Variants in LINGO2 observed in about 807,000 individuals in gnomAD.
LINGO2 encodes the protein leucine-rich repeat and immunoglobulin-like domain-containing nogo receptor-interacting protein 2.
LINGO2 carries 14 observed loss-of-function variants against 30.6 expected under a neutral mutation model. The ratio of observed to expected loss-of-function variants is 0.46; its 90% confidence interval spans 0.30 to 0.72. LINGO2 has a LOEUF of 0.72. Ranked by LOEUF, LINGO2 falls within the 30% of genes least tolerant of loss-of-function variation. The pLI is 0.07. For synonymous variants in LINGO2, 317 were observed against 288.5 expected (o/e 1.10, Z -1.00); for missense variants, 729 against 751.7 (o/e 0.97, Z 0.35).
intron 1 of LINGO2, among the ~76,000 whole-genome samples, chr9:28,587,908 GA>G (rs1270586302): frequency 6.6e-6 from 1 of 151,908 alleles, no homozygotes; most frequent in Non-Finnish European, 1.5e-5. Flanking sequence ...TTGCATTTTT[GA>G]AAATGTTGAA....
At chr9:28,053,907 G>A (rs556297244) in intron 4 of LINGO2, among the ~76,000 whole-genome samples, 3 of 152,128 alleles carry the variant, frequency 2.0e-5, no homozygotes, top group East Asian at 1.9e-4. Flanking sequence ...CCAAAGAATA[G>A]ATACTCAAAT....
At chr9:28,338,093 T>G (rs549275083) in intron 3 of LINGO2, among the ~76,000 whole-genome samples, 1 of 152,132 alleles carries the variant, frequency 6.6e-6, no homozygotes, top group East Asian at 1.9e-4. Flanking sequence ...GAAGGGGAGA[T>G]GTACCTGGCA....
the LINGO2 span, among the ~76,000 whole-genome samples, chr9:29,014,432 A>T: frequency 2.6e-5 from 4 of 152,162 alleles, no homozygotes; most frequent in African/African-American, 7.2e-5. Flanking sequence ...AATAATAAAC[A>T]TTGTGATACC....
chr9:28,883,289 G>T, the LINGO2 span, among the ~76,000 whole-genome samples: 1 of 151,904 alleles, frequency 6.6e-6, no homozygotes, highest in Non-Finnish European at 1.5e-5. Flanking sequence ...CTGCCTCCCG[G>T]GTTCAAGTGA....
intron 2 of LINGO2, among the ~76,000 whole-genome samples, chr9:28,447,422 C>A (rs117462719): frequency 6.6e-6 from 1 of 152,166 alleles, no homozygotes; most frequent in Non-Finnish European, 1.5e-5. Context: ...CATCACCAGA[C>A]ATGGAATTTA....
At chr9:28,489,522 G>A (rs114373138) in intron 1 of LINGO2, among the ~76,000 whole-genome samples, 2 of 151,998 alleles carry the variant, frequency 1.3e-5, no homozygotes, top group Non-Finnish European at 2.9e-5. Context: ...TTGAGGATAG[G>A]CCTGAACTTT....
chr9:28,870,477 GAGGTTATAGCTTCTATC>G, the LINGO2 span, among the ~76,000 whole-genome samples: 1 of 151,950 alleles, frequency 6.6e-6, no homozygotes, highest in Admixed American at 6.6e-5. Flanking sequence ...TCCCCATACA[GAGGTTATAGCTTCTATC>G]AGGACCCCAC....
chr9:28,653,921 AT>A (rs774928430), intron 1 of LINGO2, among the ~76,000 whole-genome samples: 4 of 152,162 alleles, frequency 2.6e-5, no homozygotes, highest in Non-Finnish European at 5.9e-5. Context: ...TCTATGTATT[AT>A]AAAACAACAT....
At chr9:29,212,952 C>T in the LINGO2 span, among the ~76,000 whole-genome samples, 1 of 152,212 alleles carries the variant, frequency 6.6e-6, no homozygotes, top group Non-Finnish European at 1.5e-5. Flanking sequence ...CCTTCGTGTC[C>T]TTAAAATCCC....
At chr9:28,847,179 T>C in the LINGO2 span, among the ~76,000 whole-genome samples, 140 of 148,512 alleles carry the variant, frequency 9.4e-4, 13 homozygotes, top group Non-Finnish European at 1.7e-3. Flanking sequence ...CCCATTATGC[T>C]CAACTCTCTG....
chr9:27,946,854 T>C (rs1251224955), downstream of LINGO2, among the ~76,000 whole-genome samples: 1 of 152,146 alleles, frequency 6.6e-6, no homozygotes, highest in Non-Finnish European at 1.5e-5. Flanking sequence ...TTCCACCCTT[T>C]ATTAGGGGAG....
chr9:28,676,785 T>A, the LINGO2 span, among the ~76,000 whole-genome samples: 1 of 152,082 alleles, frequency 6.6e-6, no homozygotes, highest in Non-Finnish European at 1.5e-5. Flanking sequence ...AACCCAAGAG[T>A]GAAAGCCATA....
the LINGO2 span, among the ~76,000 whole-genome samples, chr9:29,186,464 C>A: frequency 1.3e-5 from 2 of 152,024 alleles, no homozygotes; most frequent in Admixed American, 1.3e-4. Context: ...ACAACCTTCT[C>A]ACCCTTGCCA....
intron 4 of LINGO2, among the ~76,000 whole-genome samples, chr9:28,054,383 C>T (rs918510743): frequency 6.6e-6 from 1 of 152,044 alleles, no homozygotes; most frequent in Admixed American, 6.6e-5. Context: ...GCCGAAAGAT[C>T]AGTAGTAGCT....
intron 1 of LINGO2, among the ~76,000 whole-genome samples, chr9:28,647,787 T>A (rs10968700): frequency 0.16 from 23,919 of 151,958 alleles, 2,140 homozygotes; most frequent in East Asian, 0.31. Flanking sequence ...TTTGGGATTA[T>A]ACCATACATT....
At chr9:28,600,825 G>C (rs903644436) in intron 1 of LINGO2, among the ~76,000 whole-genome samples, 9 of 151,962 alleles carry the variant, frequency 5.9e-5, no homozygotes, top group African/African-American at 2.2e-4. Context: ...CTTTCTCAAA[G>C]TCTTGTTTTT....
At chr9:28,605,744 G>A (rs1327634716) in intron 1 of LINGO2, among the ~76,000 whole-genome samples, 1 of 151,990 alleles carries the variant, frequency 6.6e-6, no homozygotes, top group Non-Finnish European at 1.5e-5. Context: ...ACTGCAGCTT[G>A]TGGCCAAATC....
the LINGO2 span, among the ~76,000 whole-genome samples, chr9:28,966,212 A>C: frequency 6.6e-6 from 1 of 152,156 alleles, no homozygotes; most frequent in African/African-American, 2.4e-5. Flanking sequence ...AAACTGGCTA[A>C]TGTCTGAAAA....
intron 5 of LINGO2, among the ~76,000 whole-genome samples, chr9:27,991,247 A>C (rs770076551): frequency 2.0e-5 from 3 of 151,966 alleles, no homozygotes; most frequent in Non-Finnish European, 4.4e-5. Context: ...ACAACAACAA[A>C]GGATTTTTTT....
Sources: allele counts gnomAD v4.1 joint callset (sites outside exome capture counted in the v4.1 genomes callset), GRCh38; gene constraint gnomAD v4.1.1; transcripts MANE v1.5; gene names NCBI Gene and HGNC (gene_info 2026-07-23, HGNC 2026-07-21).